The following CHN1 variants were observed in gnomAD, a reference collection of about 807,000 sequenced individuals.
The protein encoded by CHN1 is N-chimaerin.
CHN1 carries 37 observed loss-of-function variants against 59.5 expected under a neutral mutation model. The observed-to-expected ratio is 0.62, with a 90% confidence interval of 0.48 to 0.82. CHN1 has a LOEUF of 0.82. Among genes scored for constraint, CHN1 ranks in the 40% least tolerant of loss-of-function variants. CHN1 has a pLI of 0.00. For synonymous variants in CHN1, 206 were observed against 200.4 expected (o/e 1.03, Z -0.24); for missense variants, 469 against 571.0 (o/e 0.82, Z 1.82).
intron 3 of CHN1, among the ~76,000 whole-genome samples, chr2:174,932,913 C>T (rs1283719720): frequency 6.6e-6 from 1 of 152,192 alleles, no homozygotes; most frequent in East Asian, 1.9e-4. Context: ...TACCCAGTCT[C>T]AGGCATTTCT....
intron 2 of CHN1, among the ~76,000 whole-genome samples, chr2:174,951,132 T>C (rs1690014724): frequency 6.6e-6 from 1 of 152,208 alleles, no homozygotes; most frequent in Non-Finnish European, 1.5e-5. Flanking sequence ...ACAAAATCTT[T>C]AGGAGGTAAA....
chr2:174,819,207 C>T lies in CHN1; in HGVS notation c.712+5227G>A, dbSNP rs146510990. On this transcript the variant is annotated intron_variant, in intron 8 of 12. Transcript: ENST00000409900. ...TTTCTCACTGGCTTACAAGGACAAA[C>T]GCAACTCTTTAGGTACGATCAATCA... Among the ~76,000 whole-genome samples, 25 of 152,188 alleles carry T rather than the reference C, an allele frequency of 1.6e-4. No individual in the cohort carries two copies. The East Asian group carries it at 2.5e-3, about 15-fold the overall frequency.
At chr2:174,865,788 A>G (rs1687199190) in intron 6 of CHN1, among the ~76,000 whole-genome samples, 1 of 152,128 alleles carries the variant, frequency 6.6e-6, no homozygotes, top group South Asian at 2.1e-4. Context: ...AGCCTATTCT[A>G]CCTCTTGGAA....
chr2:174,979,789 G>A (rs1002069089), intron 1 of CHN1, among the ~76,000 whole-genome samples: 13 of 152,164 alleles, frequency 8.5e-5, no homozygotes, highest in African/African-American at 2.9e-4. Flanking sequence ...GCTGAGGCAG[G>A]AGAATTGCTT....
chr2:174,946,912 A>T (rs2105406905), intron 2 of CHN1, among the ~76,000 whole-genome samples: 1 of 151,598 alleles, frequency 6.6e-6, no homozygotes, highest in African/African-American at 2.4e-5. Flanking sequence ...AAAAAAAAAA[A>T]AAAAAAAAAA....
chr2:174,808,320 G>C (rs1684966537), intron 11 of CHN1, among the ~76,000 whole-genome samples: 1 of 151,882 alleles, frequency 6.6e-6, no homozygotes, highest in East Asian at 1.9e-4. Flanking sequence ...TTTTGCTCTT[G>C]TTGCCCAGGC....
chr2:174,922,077 T>C (rs1689032959), intron 3 of CHN1, among the ~76,000 whole-genome samples: 1 of 152,218 alleles, frequency 6.6e-6, no homozygotes, highest in Non-Finnish European at 1.5e-5. Context: ...AAACTCAGTG[T>C]ACTAAGAATA....
chr2:174,864,261 A>G (rs898885460), intron 6 of CHN1, among the ~76,000 whole-genome samples: 7 of 152,138 alleles, frequency 4.6e-5, no homozygotes, highest in Non-Finnish European at 8.8e-5. Flanking sequence ...TTGGGAGGTG[A>G]CTGTCAACTC....
At chr2:174,947,105 T>G (rs1689862316) in intron 2 of CHN1, among the ~76,000 whole-genome samples, 1 of 152,116 alleles carries the variant, frequency 6.6e-6, no homozygotes, top group Non-Finnish European at 1.5e-5. Context: ...AGAAGAACAT[T>G]AAAAGTTAAT....
chr2:174,987,805 A>C (rs1330969248), intron 1 of CHN1, among the ~76,000 whole-genome samples: 2 of 152,102 alleles, frequency 1.3e-5, no homozygotes, highest in African/African-American at 4.8e-5. Flanking sequence ...TTGAAGGGAG[A>C]CAGATTTTAA....
chr2:174,829,885 T>C (rs1016980668), intron 7 of CHN1, among the ~76,000 whole-genome samples: 1 of 152,174 alleles, frequency 6.6e-6, no homozygotes, highest in Admixed American at 6.5e-5. Context: ...CATTTTTATG[T>C]TTAGGGTAAC....
chr2:174,906,310 C>T (rs1252540237), intron 5 of CHN1, among the ~76,000 whole-genome samples: 1 of 152,100 alleles, frequency 6.6e-6, no homozygotes, highest in African/African-American at 2.4e-5. Context: ...CATGCCACAA[C>T]ATGGATAAAC....
intron 6 of CHN1, among the ~76,000 whole-genome samples, chr2:174,854,036 C>T (rs1054164010): frequency 5.3e-5 from 8 of 152,116 alleles, no homozygotes; most frequent in Admixed American, 2.0e-4. Flanking sequence ...TGCACATGTA[C>T]GCCCTGTATC....
At chr2:174,960,262 A>C (rs1348072268) in intron 1 of CHN1, among the ~76,000 whole-genome samples, 1 of 152,216 alleles carries the variant, frequency 6.6e-6, no homozygotes, top group African/African-American at 2.4e-5. Context: ...ATACAGAAGA[A>C]TATCACAATA....
At chr2:174,896,773 G>A (rs555983025) in intron 5 of CHN1, among the ~76,000 whole-genome samples, 4 of 152,060 alleles carry the variant, frequency 2.6e-5, no homozygotes, top group Non-Finnish European at 5.9e-5. Context: ...GGGTGTTGGT[G>A]CTTCTAGTTT....
rs183961685 is a variant in CHN1, at chr2:174,986,517, C to T, written c.19+18377G>A. On this transcript the variant is annotated intron_variant, in intron 1 of 12. Transcript: ENST00000409900. ...CCCCAGAGTCACAATGTCCATGATTCTCTTTAGACTTTAGAAATACAGCCG... is the reference window on the plus strand; with the variant it reads ...CCCCAGAGTCACAATGTCCATGATTTTCTTTAGACTTTAGAAATACAGCCG... 4.4e-4 allele frequency among the ~76,000 whole-genome samples: 67 copies of T among 152,230 alleles called. No individual in the cohort carries two copies. In the East Asian group the frequency reaches 0.012, roughly 28 times the overall value.
rs774920157 is a variant in CHN1 at position 174,915,177 on chromosome 2, A to C, written c.147-6T>G. 8.7e-6 allele frequency: 14 copies of C among 1,600,086 alleles called. No individual in the cohort carries two copies. In the South Asian group the frequency reaches 1.6e-4, roughly 18 times the overall value. ...TGGAGATCATGCCATGAAACCTAAG[A>C]AACAAAGTCTATTCAGAAACTGTGC... On this transcript the variant is annotated splice_polypyrimidine_tract_variant and splice_region_variant and intron_variant, in intron 4 of 12. Transcript: ENST00000409900.
At chr2:174,967,258 T>C (rs1028537087) in intron 1 of CHN1, among the ~76,000 whole-genome samples, 18 of 152,120 alleles carry the variant, frequency 1.2e-4, no homozygotes, top group South Asian at 4.2e-4. Flanking sequence ...AGGAGTGGCA[T>C]GCAGGGAGGA....
At position 174,910,895 on chromosome 2, in the gene CHN1, G is replaced by A. The variant is rs144739086; in HGVS notation, c.260+4163C>T. Among the ~76,000 whole-genome samples, 451 of 82,224 alleles carry A rather than the reference G, an allele frequency of 5.5e-3. 18 individuals carry two copies. The East Asian group carries it at 0.11, about 20-fold the overall frequency. 53.9% of individuals were successfully genotyped at this position (82,224 alleles called of 152,430 possible). The stretch of plus-strand genomic sequence containing the variant: ...CGCCTGGGCGACAGAACGAGACTCC[G>A]TCTCAAAAAAAAAAAAAAAAAAAAA... On this transcript the variant is annotated intron_variant, in intron 5 of 12. Transcript: ENST00000409900.
Sources: allele counts gnomAD v4.1 joint callset (sites outside exome capture counted in the v4.1 genomes callset), GRCh38; gene constraint gnomAD v4.1.1; transcripts MANE v1.5; gene names NCBI Gene and HGNC (gene_info 2026-07-23, HGNC 2026-07-21).